Variants in SEL1L3 observed in about 807,000 individuals in gnomAD.
SEL1L3 encodes the protein protein sel-1 homolog 3.
SEL1L3 carries 76 observed loss-of-function variants against 142.8 expected under a neutral mutation model. That is an observed-to-expected ratio of 0.53 (90% CI 0.44 to 0.64). The LOEUF is 0.64. Among genes scored for constraint, SEL1L3 ranks in the 30% least tolerant of loss-of-function variants. SEL1L3 has a pLI of 0.00. For synonymous variants in SEL1L3, 504 were observed against 519.6 expected, an observed-to-expected ratio of 0.97 and a Z score of 0.41; for missense variants, 1,262 against 1,381.7, an observed-to-expected ratio of 0.91 and a Z score of 1.37.
intron 19 of SEL1L3, among the ~76,000 whole-genome samples, chr4:25,766,792 ACTT>A (rs1560283743): frequency 6.6e-6 from 1 of 152,086 alleles, no homozygotes; most frequent in South Asian, 2.1e-4. Context: ...AAGTACTTGG[ACTT>A]CTTCTCCCAT....
chr4:25,738,691 T>A, the SEL1L3 span, among the ~76,000 whole-genome samples: 3 of 152,180 alleles, frequency 2.0e-5, no homozygotes, highest in East Asian at 5.8e-4. Flanking sequence ...CTACCCATAG[T>A]TGAGGTAATC....
intron 23 of SEL1L3, among the ~76,000 whole-genome samples, chr4:25,751,201 C>T (rs1717565591): frequency 6.6e-6 from 1 of 152,090 alleles, no homozygotes; most frequent in Non-Finnish European, 1.5e-5. Flanking sequence ...AAGCCTGATC[C>T]ATTAAGGCAA....
intron 15 of SEL1L3, among the ~76,000 whole-genome samples, chr4:25,780,639 G>T (rs1240079875): frequency 6.6e-6 from 1 of 151,268 alleles, no homozygotes; most frequent in Non-Finnish European, 1.5e-5. Context: ...CACCTTATGA[G>T]AGAGGCCTTC....
intron 19 of SEL1L3, 105 bp downstream of exon 19, chr4:25,767,420 A>G (rs1718821450): frequency 1.5e-6 from 1 of 677,374 alleles, no homozygotes; most frequent in Admixed American, 2.7e-5. Flanking sequence ...TTCTTTTCTA[A>G]TTATTTAGAA....
At chr4:25,800,724 C>A (rs1032780199) in intron 11 of SEL1L3, among the ~76,000 whole-genome samples, 7 of 151,952 alleles carry the variant, frequency 4.6e-5, no homozygotes, top group African/African-American at 1.7e-4. Context: ...TTAAATTATA[C>A]AGACAGAAAA....
intron 3 of SEL1L3, among the ~76,000 whole-genome samples, chr4:25,834,336 ACTG>A (rs1453537519): frequency 3.9e-5 from 6 of 152,234 alleles, no homozygotes; most frequent in African/African-American, 1.4e-4. Flanking sequence ...ACACAATGCT[ACTG>A]ACCAGTAGTT....
chr4:25,749,533 T>C (rs1484913184), intron 23 of SEL1L3, among the ~76,000 whole-genome samples: 3 of 152,180 alleles, frequency 2.0e-5, no homozygotes, highest in Non-Finnish European at 2.9e-5. Flanking sequence ...GGGTTTGCAA[T>C]CACTGCACAA....
the SEL1L3 span, among the ~76,000 whole-genome samples, chr4:25,728,426 G>C: frequency 2.6e-5 from 4 of 152,066 alleles, 1 homozygote; most frequent in South Asian, 8.3e-4. Flanking sequence ...CTCATCAACA[G>C]CAGCCCTCTG....
At chr4:25,861,812 T>C (rs1717727352) in intron 1 of SEL1L3, 1 of 152,138 alleles carries the variant, frequency 6.6e-6, no homozygotes, top group Non-Finnish European at 1.5e-5. Context: ...TACTATTGTT[T>C]AGGAGAACTC....
At chr4:25,811,565 A>G (rs1714025197) in intron 9 of SEL1L3, among the ~76,000 whole-genome samples, 1 of 152,176 alleles carries the variant, frequency 6.6e-6, no homozygotes, top group East Asian at 1.9e-4. Context: ...TCAGTGATTC[A>G]TTTACCCAAC....
chr4:25,812,206 A>T (rs1396261579), intron 9 of SEL1L3, among the ~76,000 whole-genome samples: 1 of 152,172 alleles, frequency 6.6e-6, no homozygotes, highest in African/African-American at 2.4e-5. Flanking sequence ...CTCACCAAAG[A>T]ACATACCTCA....
intron 17 of SEL1L3, among the ~76,000 whole-genome samples, chr4:25,768,325 C>G (rs970494479): frequency 1.3e-5 from 2 of 152,074 alleles, no homozygotes; most frequent in Non-Finnish European, 2.9e-5. Flanking sequence ...ACATCAATGG[C>G]CAAAACACGT....
chr4:25,786,003 G>A (rs1455701461), intron 13 of SEL1L3, among the ~76,000 whole-genome samples: 3 of 152,138 alleles, frequency 2.0e-5, no homozygotes, highest in East Asian at 3.8e-4. Context: ...TACTCTACAC[G>A]AATCTGAGTA....
intron 23 of SEL1L3, among the ~76,000 whole-genome samples, chr4:25,757,124 C>G (rs997859312): frequency 6.6e-6 from 1 of 151,696 alleles, no homozygotes; most frequent in Non-Finnish European, 1.5e-5. Context: ...AAAAATTAGC[C>G]GGGTGTGGTG....
intron 17 of SEL1L3, 122 bp downstream of exon 17, chr4:25,776,155 A>G (rs951084368): frequency 3.2e-6 from 2 of 623,932 alleles, no homozygotes; most frequent in African/African-American, 3.7e-5. Context: ...TCTGAATATC[A>G]TTACTGGGAG....
intron 11 of SEL1L3, among the ~76,000 whole-genome samples, chr4:25,801,018 G>T (rs944555903): frequency 6.6e-6 from 1 of 152,198 alleles, no homozygotes; most frequent in Admixed American, 6.5e-5. Flanking sequence ...CAGGGGTCTG[G>T]TTCCCAGTCA....
At chr4:25,837,829 T>C (rs909260617) in intron 2 of SEL1L3, among the ~76,000 whole-genome samples, 4 of 152,144 alleles carry the variant, frequency 2.6e-5, no homozygotes, top group Non-Finnish European at 1.5e-5. Flanking sequence ...TAATAACTGG[T>C]TATGGCTGAG....
At chr4:25,745,214 G>A (rs948233782), downstream of SEL1L3, among the ~76,000 whole-genome samples, 3 of 152,018 alleles carry the variant, frequency 2.0e-5, no homozygotes, top group African/African-American at 4.8e-5. Flanking sequence ...AGCCAACATG[G>A]CGAAAACCCA....
At chr4:25,780,246 C>G (rs947174759) in intron 15 of SEL1L3, among the ~76,000 whole-genome samples, 4 of 152,190 alleles carry the variant, frequency 2.6e-5, no homozygotes, top group African/African-American at 9.7e-5. Flanking sequence ...AGCCCCTCCA[C>G]TGACACTGCC....
Sources: gnomAD v4.1 joint callset for allele counts (sites outside exome capture counted in the v4.1 genomes callset) on GRCh38, gnomAD v4.1.1 for gene constraint, MANE v1.5 for transcripts, NCBI Gene and HGNC (gene_info 2026-07-23, HGNC 2026-07-21) for gene names.